TSPAN14: variants seen among roughly 807,000 people sequenced by gnomAD.
The protein encoded by TSPAN14 is tetraspanin-14.
TSPAN14 carries 16 observed loss-of-function variants against 36.6 expected under a neutral mutation model. The ratio of observed to expected loss-of-function variants is 0.44; its 90% CI spans 0.30 to 0.66. The LOEUF (loss-of-function observed/expected upper bound fraction) is 0.66. Ranked by LOEUF, TSPAN14 falls within the 30% of genes least tolerant of loss-of-function variation. The pLI is 0.12. For synonymous variants in TSPAN14, 139 were observed against 143.8 expected (o/e 0.97, Z 0.24); for missense variants, 231 against 355.1 (o/e 0.65, Z 2.81).
intron 1 of TSPAN14, among the ~76,000 whole-genome samples, chr10:80,486,199 G>A (rs923397441): frequency 3.9e-5 from 6 of 152,244 alleles, no homozygotes; most frequent in Admixed American, 3.9e-4. Context: ...GGAAGGTGAA[G>A]CAGCAGATGG....
chr10:80,480,421 C>T (rs565831896), intron 1 of TSPAN14, among the ~76,000 whole-genome samples: 12 of 152,294 alleles, frequency 7.9e-5, no homozygotes, highest in Non-Finnish European at 1.8e-4. Context: ...TCAGCCATCC[C>T]ATTACTGGGT....
At chr10:80,520,605 A>G in exon 9 of TSPAN14, 2 of 532,962 alleles carry the variant, frequency 3.8e-6, no homozygotes, top group Non-Finnish European at 7.7e-6. Flanking sequence ...ACCCCCTCTC[A>G]GGATCTTGTC....
At chr10:80,497,015 T>G (rs944541931) in intron 2 of TSPAN14, among the ~76,000 whole-genome samples, 2 of 152,186 alleles carry the variant, frequency 1.3e-5, no homozygotes, top group African/African-American at 4.8e-5. Context: ...TGGATATTAG[T>G]TATAGTTTTT....
intron 1 of TSPAN14, among the ~76,000 whole-genome samples, chr10:80,469,202 A>G (rs1046953777): frequency 2.0e-5 from 3 of 152,164 alleles, no homozygotes; most frequent in African/African-American, 7.2e-5. Flanking sequence ...GTGAAAGGGC[A>G]GCCCTAAGCC....
At chr10:80,495,959 T>C (rs1848177337) in intron 2 of TSPAN14, among the ~76,000 whole-genome samples, 1 of 152,224 alleles carries the variant, frequency 6.6e-6, no homozygotes, top group South Asian at 2.1e-4. Context: ...TGATGGTTGT[T>C]CTGCCTCCTG....
intron 1 of TSPAN14, among the ~76,000 whole-genome samples, chr10:80,472,010 C>CT (rs1035641193): frequency 2.0e-5 from 3 of 152,082 alleles, no homozygotes; most frequent in Admixed American, 2.0e-4. Context: ...CCCCATCTCC[C>CT]TATGTAGCTG....
intron 2 of TSPAN14, among the ~76,000 whole-genome samples, chr10:80,489,806 G>A (rs1386029877): frequency 2.6e-5 from 4 of 152,232 alleles, no homozygotes; most frequent in Non-Finnish European, 5.9e-5. Context: ...CTTGGATAGG[G>A]TGACCAGGGA....
chr10:80,460,741 C>G (rs1437717042), intron 1 of TSPAN14, among the ~76,000 whole-genome samples: 1 of 152,158 alleles, frequency 6.6e-6, no homozygotes, highest in African/African-American at 2.4e-5. Flanking sequence ...CCTCTGCACC[C>G]AGGAAATCGC....
chr10:80,486,611 C>T (rs78355602), intron 1 of TSPAN14, among the ~76,000 whole-genome samples: 1 of 152,170 alleles, frequency 6.6e-6, no homozygotes, highest in Non-Finnish European at 1.5e-5. Flanking sequence ...TTCCATGGCT[C>T]GCACCAGCCC....
intron 2 of TSPAN14, among the ~76,000 whole-genome samples, chr10:80,495,335 CTGTG>C (rs3041272): frequency 1.2e-4 from 16 of 135,646 alleles, no homozygotes; most frequent in African/African-American, 2.1e-4. Flanking sequence ...TCTTTTGGCA[CTGTG>C]TGTGTGTGTG....
chr10:80,506,025 G>A lies in TSPAN14; in HGVS notation c.133-1203G>A, dbSNP rs1330695739. Among the ~76,000 whole-genome samples the A allele has an allele frequency of 3.3e-5, 5 of 152,354 alleles. No homozygotes were observed. In the East Asian group the frequency reaches 7.7e-4, roughly 24 times the overall value. ...GAGACTCTGTTGCCCAGGCCGGAGCGCAGTGGCTGGATCTTGGCTCACTGC... is the reference window on the plus strand; with the variant it reads ...GAGACTCTGTTGCCCAGGCCGGAGCACAGTGGCTGGATCTTGGCTCACTGC... On this transcript the variant is annotated intron_variant, in intron 3 of 8. Coordinates refer to ENST00000429989, the Ensembl canonical transcript of TSPAN14.
chr10:80,518,736 C>G (rs1841090668), exon 9 of TSPAN14: 1 of 152,772 alleles, frequency 6.5e-6, no homozygotes, highest in Non-Finnish European at 1.5e-5. Context: ...AGAGCCGGCT[C>G]TCCTTTTCTT....
At chr10:80,510,704 C>T (rs1840569791) in intron 5 of TSPAN14, among the ~76,000 whole-genome samples, 1 of 151,216 alleles carries the variant, frequency 6.6e-6, no homozygotes, top group Non-Finnish European at 1.5e-5. Context: ...GAAACCCCAT[C>T]TCTACTAAAA....
At chr10:80,456,842 C>T (rs1427095782) in intron 1 of TSPAN14, among the ~76,000 whole-genome samples, 1 of 152,062 alleles carries the variant, frequency 6.6e-6, no homozygotes, top group Non-Finnish European at 1.5e-5. Flanking sequence ...GTGGGTGGAT[C>T]ACCTGAGGTC....
chr10:80,506,613 G>C (rs980442987), intron 3 of TSPAN14, among the ~76,000 whole-genome samples: 4 of 152,186 alleles, frequency 2.6e-5, no homozygotes, highest in Non-Finnish European at 4.4e-5. Context: ...GTGTGACTGT[G>C]TTTATATTTA....
At chr10:80,487,963 C>A (rs1028951060) in intron 1 of TSPAN14, among the ~76,000 whole-genome samples, 1 of 152,302 alleles carries the variant, frequency 6.6e-6, no homozygotes, top group South Asian at 2.1e-4. Context: ...CAGAACATTG[C>A]AGACCAGCAG....
chr10:80,516,400 G>C, intron 8 of TSPAN14, 77 bp downstream of exon 8: 1 of 1,595,082 alleles, frequency 6.3e-7, no homozygotes, highest in Non-Finnish European at 8.6e-7. Context: ...AGAGTGCATG[G>C]GTCCAGTTTG....
At chr10:80,463,289 A>G (rs553193267) in intron 1 of TSPAN14, among the ~76,000 whole-genome samples, 15 of 152,312 alleles carry the variant, frequency 9.8e-5, no homozygotes, top group African/African-American at 3.6e-4. Context: ...AGGCATTTTA[A>G]ATATTAATTT....
At position 80,509,290 on chromosome 10, in the gene TSPAN14, T is replaced by A. The variant is rs1404729354; in HGVS notation, c.280-11T>A. 6.2e-7 allele frequency: 1 copy of A among 1,612,216 alleles called. No homozygotes were observed. Among genetic ancestry groups the A allele is most frequent in the East Asian group, 2.2e-5 (1 of 44,866 alleles). Reference sequence around the variant, plus strand: ...GGTGGTGACTTCTGCTCCCGTCCCCTTCCCCTGCAGTTCTGTGGCACCATC... The same window carrying A: ...GGTGGTGACTTCTGCTCCCGTCCCCATCCCCTGCAGTTCTGTGGCACCATC... On this transcript the variant is annotated splice_polypyrimidine_tract_variant and intron_variant, in intron 4 of 8. Transcript: ENST00000429989. The surrounding 1 kb of genome is among the most constrained non-coding windows in gnomAD (Gnocchi z 4.7).
Sources: allele counts gnomAD v4.1 joint callset (sites outside exome capture counted in the v4.1 genomes callset), GRCh38; gene constraint gnomAD v4.1.1; non-coding constraint Gnocchi (gnomAD v3.1); transcripts MANE v1.5; gene names NCBI Gene and HGNC (gene_info 2026-07-23, HGNC 2026-07-21).